ZNF114: variants seen among roughly 807,000 people sequenced by gnomAD.
The protein encoded by ZNF114 is zinc finger protein 114 (Y18).
A neutral mutation model predicts 6.8 loss-of-function variants in ZNF114; 8 were observed. The observed-to-expected ratio is 1.18, with a 90% CI of 0.69 to 2.13. ZNF114 has a LOEUF of 2.13. ZNF114 is among the 30% of genes most tolerant of loss of function. ZNF114 has a pLI of 0.00. For synonymous variants in ZNF114, 169 were observed against 185.5 expected (o/e 0.91, Z 0.72); for missense variants, 472 against 519.5 (o/e 0.91, Z 0.89).
rs1968114894 is a variant in ZNF114 at position 48,285,931 on chromosome 19, G to A, written c.307G>A (p.Val103Met). The change falls in exon 6 of 6, where the codon GTG becomes ATG. Residue 103 changes from valine to methionine, a missense_variant. Val to Met is a conservative substitution (Grantham distance 21). Transcript: ENST00000595607. ...PKTEEPHRQG[V>M]NNVKPPAVAP... Reference sequence around the variant, plus strand: ...AACAGAGGAACCACACAGGCAGGGGGTGAATAATGTGAAGCCACCTGCAGT... The same window carrying A: ...AACAGAGGAACCACACAGGCAGGGGATGAATAATGTGAAGCCACCTGCAGT... 1.9e-6 allele frequency: 3 copies of A among 1,614,030 alleles called. No homozygotes were observed. Among genetic ancestry groups the A allele is most frequent in the South Asian group, 1.1e-5 (1 of 91,090 alleles).
intron 5 of ZNF114, among the ~76,000 whole-genome samples, chr19:48,283,265 T>C (rs1217744324): frequency 2.6e-5 from 4 of 151,876 alleles, no homozygotes; most frequent in Non-Finnish European, 5.9e-5. Flanking sequence ...AGGAAAAGGG[T>C]CGTTTTGAGC....
chr19:48,271,332 G>A lies in ZNF114; in HGVS notation c.-289G>A, dbSNP rs140642847. 3.2e-3 allele frequency: 483 copies of A among 152,466 alleles called. 5 individuals carry two copies. The highest frequency in any genetic ancestry group is 0.01 in the South Asian group (50 of 4,826). The allele number at this position is 152,466 out of a possible 1,614,324, so 9.4% of individuals were successfully genotyped here. A position where few individuals can be genotyped will look rare whatever the true frequency, so the allele number is the denominator to read the frequency against. ...GTCTCCGGAGCCCGCAAGGAGGCGC[G>A]TTGGCTGCGCAGAGAGCGCGCTTCC... On this transcript the variant is annotated 5_prime_UTR_variant, in exon 2 of 6. Transcript: ENST00000595607.
At chr19:48,272,427 T>TA (rs1600833907) in intron 3 of ZNF114, among the ~76,000 whole-genome samples, 4 of 103,664 alleles carry the variant, frequency 3.9e-5, no homozygotes, top group Admixed American at 1.0e-4. Context: ...AAAAAATAAA[T>TA]AATAATAATA....
At chr19:48,285,178 A>G (rs1220019668) in intron 5 of ZNF114, among the ~76,000 whole-genome samples, 1 of 152,088 alleles carries the variant, frequency 6.6e-6, no homozygotes, top group Admixed American at 6.6e-5. Context: ...TTTTTATCAT[A>G]CATGTTGAGT....
At chr19:48,277,797 G>A (rs1967882365) in intron 3 of ZNF114, among the ~76,000 whole-genome samples, 1 of 132,898 alleles carries the variant, frequency 7.5e-6, no homozygotes, top group African/African-American at 3.4e-5. Context: ...GGCATTGGGT[G>A]TGTGTGTGTG....
rs147536572 is a variant in ZNF114 at position 48,286,438 on chromosome 19, G to A, written c.814G>A (p.Ala272Thr). 554 of 1,614,044 alleles carry A rather than the reference G, an allele frequency of 3.4e-4. 3 individuals are homozygous for A. Among genetic ancestry groups the A allele is most frequent in the Middle Eastern group, 4.9e-4 (3 of 6,084 alleles). The change falls in exon 6 of 6, where the codon GCA becomes ACA. Residue 272 changes from alanine (A) to threonine (T), a missense_variant. Transcript: ENST00000595607. ...CGCCATGCAGATGCAGTTGTATACC[G>A]CAGAGACAAACAAGAAGGATTGTCA... is the stretch of plus-strand genomic sequence containing the variant. ...IHAMQMQLYT[A>T]ETNKKDCQTG... is the part of the protein sequence containing the mutation.
In ZNF114 at chr19:48,272,813, T is replaced by TTG. The variant is rs747932695; in HGVS notation, c.-70+985_-70+986insTG. Among the ~76,000 whole-genome samples the TTG allele has an allele frequency of 9.3e-4, 117 of 125,306 alleles. 3 individuals carry two copies. The highest frequency in any genetic ancestry group is 6.9e-3 in the South Asian group (26 of 3,790). The allele number at this position is 125,306 out of a possible 152,430, so 82.2% of individuals were successfully genotyped here. On this transcript the variant is annotated intron_variant, in intron 3 of 5. Coordinates refer to ENST00000595607, the MANE Select transcript of ZNF114 (RefSeq NM_153608.4). The stretch of plus-strand genomic sequence containing the variant: ...AGAGCTTTTTTTTTTTTTTTTTTTT[T>TTG]GAGAGGGAGTCTCGCTCTGTCACCC...
At chr19:48,276,074 C>CTTTTT (rs34454372) in intron 3 of ZNF114, among the ~76,000 whole-genome samples, 1 of 73,462 alleles carries the variant, frequency 1.4e-5, no homozygotes, top group Non-Finnish European at 2.6e-5. Flanking sequence ...CCTCTTACCT[C>CTTTTT]TTTTTTTTTT....
rs1426219733 is a variant in ZNF114 at position 48,287,055 on chromosome 19, CTTCA to C, written c.*183_*186del. 1.7e-6 allele frequency: 1 copy of C among 573,230 alleles called. No individual in the cohort carries two copies. Among genetic ancestry groups the C allele is most frequent in the East Asian group, 3.2e-5 (1 of 30,804 alleles). 35.5% of individuals were successfully genotyped at this position (573,230 alleles called of 1,614,324 possible). ...GTAAAGTCTACAGAAAGCCTTTCAT[CTTCA>C]TTCATCTTGAGTAGACATTTGTTCT... is the stretch of plus-strand genomic sequence containing the variant. On this transcript the variant is annotated 3_prime_UTR_variant, in exon 6 of 6. Transcript: ENST00000595607.
intron 3 of ZNF114, 81 bp from the exon 4 acceptor site, chr19:48,279,650 G>T: frequency 1.0e-6 from 1 of 967,928 alleles, no homozygotes; most frequent in South Asian, 1.4e-5. Flanking sequence ...TATATGCTGA[G>T]ATTAATGTCA....
intron 1 of ZNF114, among the ~76,000 whole-genome samples, 186 bp downstream of exon 1, chr19:48,270,405 G>A (rs1444145057): frequency 9.1e-5 from 5 of 55,068 alleles, no homozygotes; most frequent in Admixed American, 2.0e-4. Flanking sequence ...AAAAAAAAAA[G>A]AAAAAAAGAA....
At chr19:48,282,209 T>C in intron 4 of ZNF114, 162 bp from the exon 5 acceptor site, 1 of 989,902 alleles carries the variant, frequency 1.0e-6, no homozygotes, top group Non-Finnish European at 1.5e-6. Flanking sequence ...CAACCTCATC[T>C]TAATTCATTG....
chr19:48,275,843 G>C (rs923335424), intron 3 of ZNF114, among the ~76,000 whole-genome samples: 1 of 151,374 alleles, frequency 6.6e-6, no homozygotes, highest in African/African-American at 2.4e-5. Context: ...TTAGCAGGGC[G>C]CAGTGGCGGG....
At position 48,286,164 on chromosome 19, in the gene ZNF114, G is replaced by C. The variant is rs750789501; in HGVS notation, c.540G>C (p.Leu180Phe). 1 of 1,614,198 alleles carries C rather than the reference G, an allele frequency of 6.2e-7. No individual in the cohort carries two copies. Among genetic ancestry groups the C allele is most frequent in the South Asian group, 1.1e-5 (1 of 91,078 alleles). The part of the protein sequence containing the change: ...THENNEDDGV[L>F]GWNIQWVPCG... ...AAAACAACGAAGACGATGGAGTCTT[G>C]GGGTGGAACATTCAGTGGGTTCCGT... Residue 180 changes from leucine to phenylalanine, a missense_variant, in exon 6 of 6, where the codon TTG becomes TTC. By Grantham distance (22) the Leu-to-Phe change is conservative. Coordinates refer to ENST00000595607, the MANE Select transcript of ZNF114 (RefSeq NM_153608.4).
chr19:48,284,158 C>G (rs1463036876), intron 5 of ZNF114, among the ~76,000 whole-genome samples: 1 of 152,130 alleles, frequency 6.6e-6, no homozygotes, highest in Non-Finnish European at 1.5e-5. Flanking sequence ...CACGGCATTC[C>G]TCAGATCAGT....
intron 5 of ZNF114, among the ~76,000 whole-genome samples, chr19:48,285,524 C>CGA (rs35022147): frequency 0.012 from 1,388 of 118,222 alleles, 19 homozygotes; most frequent in African/African-American, 0.041. Context: ...ACAGAGAGAA[C>CGA]GAGAGAGAGA....
chr19:48,278,802 G>A (rs1288523169), intron 3 of ZNF114, among the ~76,000 whole-genome samples: 3 of 152,154 alleles, frequency 2.0e-5, no homozygotes, highest in African/African-American at 2.4e-5. Flanking sequence ...AATTAGCCAG[G>A]TGTGATGGCA....
At chr19:48,272,411 C>CAAA (rs199855031) in intron 3 of ZNF114, among the ~76,000 whole-genome samples, 4 of 127,620 alleles carry the variant, frequency 3.1e-5, no homozygotes, top group African/African-American at 9.0e-5. Context: ...GACTCTGTCT[C>CAAA]AAAAAAAAAA....
intron 3 of ZNF114, among the ~76,000 whole-genome samples, chr19:48,273,019 G>T (rs576675462): frequency 2.0e-5 from 3 of 152,140 alleles, no homozygotes; most frequent in East Asian, 3.9e-4. Context: ...ATGGTCTCGA[G>T]CTCCTGACCT....
Sources: gnomAD v4.1 joint callset for allele counts (sites outside exome capture counted in the v4.1 genomes callset) on GRCh38, gnomAD v4.1.1 for gene constraint, MANE v1.5 for transcripts, NCBI Gene and HGNC (gene_info 2026-07-23, HGNC 2026-07-21) for gene names.